The following MLH3 variants were observed in gnomAD, a reference collection of about 807,000 sequenced individuals.
MLH3 encodes DNA mismatch repair protein Mlh3.
A neutral mutation model predicts 122.2 loss-of-function variants in MLH3; 82 were observed. The ratio of observed to expected loss-of-function variants is 0.67; its 90% CI spans 0.56 to 0.81. The LOEUF is 0.81. Ranked by LOEUF, MLH3 falls within the 30% of genes least tolerant of loss-of-function variation. The pLI is 0.00. For missense variants in MLH3, 1,539 were observed against 1,714.5 expected, an observed-to-expected ratio of 0.90 and a Z score of 1.81; for synonymous variants, 524 against 599.5, an observed-to-expected ratio of 0.87 and a Z score of 1.84.
chr14:75,038,644 A>T (rs1304619487), intron 5 of MLH3, among the ~76,000 whole-genome samples: 1 of 152,138 alleles, frequency 6.6e-6, no homozygotes, highest in Non-Finnish European at 1.5e-5. Context: ...AGGGGAAGAC[A>T]GACTCCCACG....
chr14:75,018,916 G>A lies in MLH3; in HGVS notation c.4155C>T (p.Ser1385=), dbSNP rs766537456. The A allele has an allele frequency of 8.1e-6, 13 of 1,614,060 alleles. No homozygotes were observed. Among genetic ancestry groups the A allele is most frequent in the Non-Finnish European group, 1.1e-5 (13 of 1,180,040 alleles). Residue 1385 remains serine, a synonymous_variant, in exon 12 of 13, where the codon TCC becomes TCT. Transcript: ENST00000355774. ...CACACTGGAATGGCAGCTGGCATGAGGACAGAGCTTCAATAAGGCGGCAAC... is the reference window on the plus strand; with the variant it reads ...CACACTGGAATGGCAGCTGGCATGAAGACAGAGCTTCAATAAGGCGGCAAC... ...QESCRLIEAL[S]SCQLPFQCAH...
Position 75,017,203 on chromosome 14 carries a change from T to TATG in MLH3, c.4243-5_4243-3dup. On this transcript the variant is annotated splice_region_variant and splice_polypyrimidine_tract_variant and intron_variant, in intron 12 of 12. Coordinates refer to ENST00000355774, the MANE Select transcript of MLH3 (RefSeq NM_001040108.2). ...AAGTTTAGTGAGGTTGGGTTTAATC[T>TATG]ATGGGAAGAAAGAATAACTTCAATT... The TATG allele has an allele frequency of 6.2e-7, 1 of 1,613,472 alleles. No individual in the cohort carries two copies. Among genetic ancestry groups the TATG allele is most frequent in the Non-Finnish European group, 8.5e-7 (1 of 1,179,590 alleles).
At chr14:75,022,743 T>G (rs175056) in intron 11 of MLH3, 71 bp downstream of exon 11, 1 of 1,332,852 alleles carries the variant, frequency 7.5e-7, no homozygotes, top group Non-Finnish European at 1.1e-6. Flanking sequence ...CTGCCTCTTT[T>G]GTAATCCCGG....
intron 6 of MLH3, among the ~76,000 whole-genome samples, chr14:75,034,479 C>T (rs995989129): frequency 6.6e-6 from 1 of 152,160 alleles, no homozygotes; most frequent in African/African-American, 2.4e-5. Context: ...GTCATGCCTA[C>T]TCAACAATTC....
intron 2 of MLH3, 100 bp from the exon 3 acceptor site, chr14:75,042,577 C>G: frequency 4.6e-6 from 4 of 865,814 alleles, no homozygotes; most frequent in Non-Finnish European, 7.6e-6. Flanking sequence ...CAAACTGAGT[C>G]AAGACATAAA....
At chr14:75,040,451 A>C (rs1891768114) in intron 4 of MLH3, among the ~76,000 whole-genome samples, 2 of 50,178 alleles carry the variant, frequency 4.0e-5, no homozygotes, top group Non-Finnish European at 7.3e-5. Flanking sequence ...CTCTGTCACA[A>C]AAAAAAAAAA....
chr14:75,041,208 A>G (rs1891831006), intron 4 of MLH3, among the ~76,000 whole-genome samples: 1 of 152,112 alleles, frequency 6.6e-6, no homozygotes, highest in Non-Finnish European at 1.5e-5. Flanking sequence ...AGCTGAGACT[A>G]TAAGTGCATG....
rs759307125 is a variant in MLH3, at chr14:75,047,423, G to C, written c.2233C>G (p.Leu745Val). Residue 745 changes from leucine (L) to valine (V), a missense_variant, in exon 2 of 13, where the codon CTA (leucine) becomes GTA (valine). By Grantham distance (32) the Leu-to-Val change is conservative. Coordinates refer to ENST00000355774, the MANE Select transcript of MLH3 (RefSeq NM_001040108.2). ...GATCCTAGCTGTGAACTCAAGCTTA[G>C]CTTCTTACGGACGATTGGTTTGGAG... ...GFSKPIVRKK[L>V]SLSSQLGSLE... 2 of 1,614,002 alleles carry C rather than the reference G, an allele frequency of 1.2e-6. No individual in the cohort carries two copies. Among genetic ancestry groups the C allele is most frequent in the South Asian group, 1.1e-5 (1 of 91,080 alleles).
chr14:75,038,910 C>T lies in MLH3; in HGVS notation c.3571-498G>A, dbSNP rs534330520. 3.4e-5 allele frequency among the ~76,000 whole-genome samples: 5 copies of T among 148,648 alleles called. No individual in the cohort carries two copies. In the South Asian group the frequency reaches 8.5e-4, roughly 25 times the overall value. ...CTGGAGTGCAATGGTGTGATCTCGGCTCACTGCAAGCTCTGCCTCCTGGGT... is the reference window on the plus strand; with the variant it reads ...CTGGAGTGCAATGGTGTGATCTCGGTTCACTGCAAGCTCTGCCTCCTGGGT... On this transcript the variant is annotated intron_variant, in intron 5 of 12. Coordinates refer to ENST00000355774, the MANE Select transcript of MLH3 (RefSeq NM_001040108.2).
chr14:75,044,446 T>C (rs1182781624), intron 2 of MLH3, among the ~76,000 whole-genome samples: 1 of 152,240 alleles, frequency 6.6e-6, no homozygotes, highest in Non-Finnish European at 1.5e-5. Flanking sequence ...AATCCAGTTA[T>C]TTTTTGGCAC....
Position 75,049,081 on chromosome 14 carries a change from T to C in MLH3, c.575A>G (p.Asp192Gly). The change falls in exon 2 of 13, where the codon GAT (aspartate) becomes GGT (glycine). Residue 192 changes from aspartate (D) to glycine (G), a missense_variant. Coordinates refer to ENST00000355774, the MANE Select transcript of MLH3 (RefSeq NM_001040108.2). ...CTGAAGAACCATGGAACCAGAAACA[T>C]CATTTCTCAAAGAGAAAGAAATGGA... is the stretch of plus-strand genomic sequence containing the variant. Reference protein sequence around the residue: ...HPSISFSLRNDVSGSMVLQLP... With the variant: ...HPSISFSLRNGVSGSMVLQLP... 1.9e-6 allele frequency: 3 copies of C among 1,614,074 alleles called. No homozygotes were observed. Among genetic ancestry groups the C allele is most frequent in the Non-Finnish European group, 2.5e-6 (3 of 1,179,998 alleles).
At chr14:75,033,277 A>G (rs973363357) in intron 7 of MLH3, 142 bp downstream of exon 7, 10 of 726,154 alleles carry the variant, frequency 1.4e-5, no homozygotes, top group Admixed American at 4.0e-5. Flanking sequence ...AACACAGGCC[A>G]AACTGCAGGA....
At chr14:75,034,304 G>A (rs1891244390) in intron 6 of MLH3, among the ~76,000 whole-genome samples, 1 of 152,064 alleles carries the variant, frequency 6.6e-6, no homozygotes, top group Admixed American at 6.6e-5. Context: ...ATATGATAAA[G>A]GATCGTTAAA....
At chr14:75,039,876 TATATA>T (rs1338268443) in intron 5 of MLH3, 30 bp downstream of exon 5, 1 of 528,402 alleles carries the variant, frequency 1.9e-6, no homozygotes, top group African/African-American at 2.1e-5. Flanking sequence ...TATATATATA[TATATA>T]TTTATGAGAT....
Position 75,049,110 on chromosome 14 carries a change from GT to G in MLH3, c.545del (p.His182ProfsTer8). 6.2e-7 allele frequency: 1 copy of G among 1,614,126 alleles called. No homozygotes were observed. ...RQRIEALSLMHPSISFSLRND... is the reference protein window; with the variant it reads ...RQRIEALSLMXPSISFSLRND... ...TTCTCAAAGAGAAAGAAATGGAAGG[GT>G]GCATGAGTGAGAGAGCTTCTATTCT... On this transcript the variant is annotated frameshift_variant, in exon 2 of 13. Coordinates refer to ENST00000355774, the MANE Select transcript of MLH3 (RefSeq NM_001040108.2). LOFTEE classifies it high-confidence loss of function.
chr14:75,022,910 T>G lies in MLH3; in HGVS notation c.4012-18A>C, dbSNP rs1330240884. 1.2e-6 allele frequency: 2 copies of G among 1,613,974 alleles called. No homozygotes were observed. The highest frequency in any genetic ancestry group is 1.1e-5 in the South Asian group (1 of 91,080). On this transcript the variant is annotated intron_variant, in intron 10 of 12. Coordinates refer to ENST00000355774, the MANE Select transcript of MLH3 (RefSeq NM_001040108.2). Reference sequence around the variant, plus strand: ...TGGAGTAGCTAATGCATAAACACGTTATTAACAGGAAAAGAAAACGGAACA... The same window carrying G: ...TGGAGTAGCTAATGCATAAACACGTGATTAACAGGAAAAGAAAACGGAACA...
At chr14:75,042,125 A>G (rs1051060791) in intron 3 of MLH3, among the ~76,000 whole-genome samples, 3 of 152,286 alleles carry the variant, frequency 2.0e-5, no homozygotes, top group Non-Finnish European at 4.4e-5. Flanking sequence ...AAAATAAGAA[A>G]CATGTCCCCT....
intron 9 of MLH3, among the ~76,000 whole-genome samples, chr14:75,028,591 A>G (rs1470019521): frequency 6.6e-6 from 1 of 150,892 alleles, no homozygotes; most frequent in African/African-American, 2.4e-5. Flanking sequence ...CTAATTTTTT[A>G]ATTTTTAGTA....
At chr14:75,034,754 C>A (rs758377701) in intron 6 of MLH3, among the ~76,000 whole-genome samples, 1 of 151,952 alleles carries the variant, frequency 6.6e-6, no homozygotes, top group African/African-American at 2.4e-5. Context: ...TCACATACCC[C>A]CTGGGGATCT....
Sources: allele counts gnomAD v4.1 joint callset (sites outside exome capture counted in the v4.1 genomes callset), GRCh38; gene constraint gnomAD v4.1.1; transcripts MANE v1.5; gene names NCBI Gene and HGNC (gene_info 2026-07-23, HGNC 2026-07-21).